NDST4: variants seen among roughly 807,000 people sequenced by gnomAD.
The protein encoded by NDST4 is N-deacetylase and N-sulfotransferase 4.
In NDST4, 63 loss-of-function variants were observed where a neutral mutation model predicts 100.8. The observed-to-expected ratio is 0.62, with a 90% CI of 0.51 to 0.77. The LOEUF is 0.77. Ranked by LOEUF, NDST4 falls within the 30% of genes least tolerant of loss-of-function variation. NDST4 has a pLI of 0.00. For missense variants in NDST4, 943 were observed against 1,018.4 expected (o/e 0.93, Z 1.01); for synonymous variants, 377 against 361.8 (o/e 1.04, Z -0.48).
At chr4:114,867,665 C>G (rs199575016) in intron 7 of NDST4, among the ~76,000 whole-genome samples, 5 of 79,900 alleles carry the variant, frequency 6.3e-5, no homozygotes, top group Non-Finnish European at 9.0e-5. Context: ...AAAAAAAAAG[C>G]AAAAAAAAAA....
At chr4:114,873,063 A>T (rs1234280052) in intron 6 of NDST4, among the ~76,000 whole-genome samples, 1 of 151,486 alleles carries the variant, frequency 6.6e-6, no homozygotes, top group African/African-American at 2.4e-5. Flanking sequence ...AAAGAAAAAA[A>T]TATTTTGGAA....
At chr4:114,904,497 T>C (rs776002161) in intron 6 of NDST4, among the ~76,000 whole-genome samples, 4 of 151,944 alleles carry the variant, frequency 2.6e-5, no homozygotes, top group Non-Finnish European at 2.9e-5. Context: ...TTGCTTATGA[T>C]ACCAGATTGC....
intron 1 of NDST4, among the ~76,000 whole-genome samples, chr4:115,105,093 T>C (rs1729808637): frequency 6.6e-6 from 1 of 152,144 alleles, no homozygotes; most frequent in South Asian, 2.1e-4. Flanking sequence ...AGGCTTGGAA[T>C]CCTGATCTGG....
At chr4:114,930,160 A>AT (rs1725483150) in intron 6 of NDST4, among the ~76,000 whole-genome samples, 2 of 152,242 alleles carry the variant, frequency 1.3e-5, no homozygotes, top group Admixed American at 6.5e-5. Context: ...GTTTTTAAAA[A>AT]ATATATACAA....
chr4:114,950,691 T>C (rs754366338), intron 4 of NDST4, among the ~76,000 whole-genome samples: 24 of 152,178 alleles, frequency 1.6e-4, no homozygotes, highest in South Asian at 6.2e-4. Flanking sequence ...CATAGTCTTG[T>C]GCTCTTTCTG....
At chr4:114,897,651 T>G (rs1724745382) in intron 6 of NDST4, among the ~76,000 whole-genome samples, 1 of 152,170 alleles carries the variant, frequency 6.6e-6, no homozygotes, top group African/African-American at 2.4e-5. Context: ...AAGAAACAAA[T>G]ACACTGTTTT....
At chr4:115,036,670 C>A (rs1334818714) in intron 2 of NDST4, among the ~76,000 whole-genome samples, 1 of 151,788 alleles carries the variant, frequency 6.6e-6, no homozygotes, top group Non-Finnish European at 1.5e-5. Flanking sequence ...GCAAGTTGAG[C>A]ATCTTTTCTA....
intron 10 of NDST4, 33 bp from the exon 11 acceptor site, chr4:114,839,581 T>A (rs1464478755): frequency 1.2e-6 from 2 of 1,606,966 alleles, no homozygotes; most frequent in South Asian, 1.1e-5. Context: ...AAAGTTAGAT[T>A]TTTTTTAATG....
chr4:115,022,492 C>CATATATATATATGTTCCAT (rs1474427617), intron 2 of NDST4, among the ~76,000 whole-genome samples: 2 of 76,672 alleles, frequency 2.6e-5, no homozygotes, highest in Non-Finnish European at 5.4e-5. Flanking sequence ...ATATATGTTC[C>CATATATATATATGTTCCAT]ATATATATAT....
At chr4:115,112,469 C>T (rs920689345) in intron 1 of NDST4, among the ~76,000 whole-genome samples, 1 of 151,584 alleles carries the variant, frequency 6.6e-6, no homozygotes, top group South Asian at 2.1e-4. Flanking sequence ...AAAGGCACCA[C>T]GAAAACAAGC....
At chr4:114,955,631 A>T (rs953287289) in intron 4 of NDST4, among the ~76,000 whole-genome samples, 3 of 152,246 alleles carry the variant, frequency 2.0e-5, no homozygotes, top group African/African-American at 7.2e-5. Flanking sequence ...CAATGGTGGT[A>T]TGAGGAGCTC....
rs891828265 is a variant in NDST4, at chr4:115,077,108, G to T, written c.-72C>A. On this transcript the variant is annotated 5_prime_UTR_variant, in exon 2 of 14. Transcript: ENST00000264363. ...AAGTGCCATAGTGAATAAAGTATGA[G>T]ATGTTGCAAATATCACTTCCCCAGA... 5.8e-6 allele frequency: 8 copies of T among 1,372,338 alleles called. No individual in the cohort carries two copies. Among genetic ancestry groups the T allele is most frequent in the Non-Finnish European group, 7.8e-6 (8 of 1,020,698 alleles). The allele number at this position is 1,372,338 out of a possible 1,614,324, so 85.0% of individuals were successfully genotyped here.
In NDST4 at chr4:114,969,321, G is replaced by GAA. The variant is rs70964334; in HGVS notation, c.1221+1107_1221+1108dup. 5.1e-3 allele frequency among the ~76,000 whole-genome samples: 460 copies of GAA among 90,740 alleles called. 10 individuals are homozygous for GAA. The highest frequency in any genetic ancestry group is 0.014 in the African/African-American group (353 of 24,420). 59.5% of individuals were successfully genotyped at this position (90,740 alleles called of 152,430 possible). A position where few individuals can be genotyped will look rare whatever the true frequency, so the allele number is the denominator to read the frequency against. The stretch of plus-strand genomic sequence containing the variant: ...AGAGCGAGACTCCGTCTCAAAAAAA[G>GAA]AAAAAAAAAAAAAAAAAAAAAAAAA... On this transcript the variant is annotated intron_variant, in intron 4 of 13. Transcript: ENST00000264363.
At chr4:115,042,413 C>G (rs1468872169) in intron 2 of NDST4, among the ~76,000 whole-genome samples, 1 of 152,060 alleles carries the variant, frequency 6.6e-6, no homozygotes, top group East Asian at 1.9e-4. Flanking sequence ...ATTCACCTCG[C>G]TTTGCCTTAT....
chr4:114,927,062 C>T (rs1011946133), intron 6 of NDST4, among the ~76,000 whole-genome samples: 2 of 151,956 alleles, frequency 1.3e-5, no homozygotes, highest in Non-Finnish European at 2.9e-5. Context: ...CTCTGCTTCC[C>T]TCAATATATC....
At chr4:114,958,109 G>A (rs1560830597) in intron 4 of NDST4, among the ~76,000 whole-genome samples, 1 of 152,158 alleles carries the variant, frequency 6.6e-6, no homozygotes, top group Admixed American at 6.5e-5. Context: ...CTGTGTGGGG[G>A]CTCCCACCTC....
intron 2 of NDST4, among the ~76,000 whole-genome samples, chr4:114,981,687 G>A (rs1726777048): frequency 6.6e-6 from 1 of 152,094 alleles, no homozygotes; most frequent in Non-Finnish European, 1.5e-5. Flanking sequence ...TAATAATACT[G>A]AGTTAGTATA....
intron 1 of NDST4, among the ~76,000 whole-genome samples, chr4:115,084,504 C>A (rs1729369027): frequency 6.6e-6 from 1 of 152,146 alleles, no homozygotes; most frequent in African/African-American, 2.4e-5. Flanking sequence ...CATGGTAGCC[C>A]CTCCCATCAC....
chr4:115,097,987 AG>A (rs780388005), intron 1 of NDST4, among the ~76,000 whole-genome samples: 1 of 152,178 alleles, frequency 6.6e-6, no homozygotes, highest in Non-Finnish European at 1.5e-5. Flanking sequence ...TAATATCCTC[AG>A]TATAGTTGTT....
Sources: gnomAD v4.1 joint callset for allele counts (sites outside exome capture counted in the v4.1 genomes callset) on GRCh38, gnomAD v4.1.1 for gene constraint, MANE v1.5 for transcripts, NCBI Gene and HGNC (gene_info 2026-07-23, HGNC 2026-07-21) for gene names.